The following CELA3A variants were observed in gnomAD, a reference collection of about 807,000 sequenced individuals.
CELA3A encodes the protein chymotrypsin-like elastase family member 3A.
In CELA3A, 35 loss-of-function variants were observed where a neutral mutation model predicts 38.6. The observed-to-expected ratio is 0.91, with a 90% confidence interval of 0.69 to 1.20. The LOEUF (loss-of-function observed/expected upper bound fraction) is 1.20. Among genes scored for constraint, CELA3A ranks in the 50% most tolerant of loss-of-function variants. The pLI, the probability that CELA3A is intolerant of heterozygous loss-of-function variation, is 0.00. For missense variants in CELA3A, 343 were observed against 354.2 expected (o/e 0.97, Z 0.25); for synonymous variants, 143 against 136.7 (o/e 1.05, Z -0.32).
At chr1:22,005,415 C>T (rs1328240518) in intron 2 of CELA3A, 32 bp from the exon 3 acceptor site, 2 of 1,608,306 alleles carry the variant, frequency 1.2e-6, no homozygotes, top group African/African-American at 1.3e-5. Flanking sequence ...TGGGGCCCAG[C>T]CCACTGAGGC....
rs144351297 is a variant in CELA3A at position 22,008,049 on chromosome 1, T to G, written c.642+534T>G. ...CTCGCCTGTAGTCCCAACTACTTGATAGGCTGAGGTGGGAGGATTGTTTGA... is the reference window on the plus strand; with the variant it reads ...CTCGCCTGTAGTCCCAACTACTTGAGAGGCTGAGGTGGGAGGATTGTTTGA... On this transcript the variant is annotated intron_variant, in intron 6 of 7. Coordinates refer to ENST00000290122, the MANE Select transcript of CELA3A (RefSeq NM_005747.5). 2.4e-3 allele frequency among the ~76,000 whole-genome samples: 363 copies of G among 150,504 alleles called. 17 individuals carry two copies. The highest frequency in any genetic ancestry group is 7.8e-3 in the African/African-American group (318 of 40,648).
intron 5 of CELA3A, 48 bp downstream of exon 5, chr1:22,007,062 C>A: frequency 6.2e-7 from 1 of 1,603,646 alleles, no homozygotes; most frequent in Non-Finnish European, 8.5e-7. Flanking sequence ...GGCAGAAAGA[C>A]AGGGCCTGGG....
intron 2 of CELA3A, among the ~76,000 whole-genome samples, chr1:22,004,073 TTG>T (rs1644934681): frequency 1.3e-4 from 8 of 60,828 alleles, no homozygotes; most frequent in East Asian, 4.7e-4. Context: ...TTTCTTTTCT[TTG>T]TTTTTTTTTT....
chr1:22,011,813 G>A (rs563294626), intron 7 of CELA3A, among the ~76,000 whole-genome samples: 5 of 125,444 alleles, frequency 4.0e-5, no homozygotes, highest in African/African-American at 6.6e-5. Context: ...CCACCACTTT[G>A]GGAGGCCGAG....
Position 22,012,107 on chromosome 1 carries a change from G to A in CELA3A, c.796-343G>A, listed in dbSNP as rs1644986427. Among the ~76,000 whole-genome samples, 3 of 123,340 alleles carry A rather than the reference G, an allele frequency of 2.4e-5. 1 individual carries two copies. The highest frequency in any genetic ancestry group is 4.9e-5 in the Non-Finnish European group (3 of 60,666). The allele number at this position is 123,340 out of a possible 152,430, so 80.9% of individuals were successfully genotyped here. A position where few individuals can be genotyped will look rare whatever the true frequency, so the allele number is the denominator to read the frequency against. On this transcript the variant is annotated intron_variant, in intron 7 of 7. Coordinates refer to ENST00000290122, the MANE Select transcript of CELA3A (RefSeq NM_005747.5). ...TGTTTATATATATACACATACATAC[G>A]TATATATATATACACAAACACATAC...
Position 22,006,909 on chromosome 1 carries a change from A to T in CELA3A, c.394A>T (p.Ser132Cys), listed in dbSNP as rs2152819578. 6.2e-7 allele frequency: 1 copy of T among 1,612,160 alleles called. No individual in the cohort carries two copies. The highest frequency in any genetic ancestry group is 8.5e-7 in the Non-Finnish European group (1 of 1,179,392). The change falls in exon 5 of 8, where the codon AGC (serine) becomes TGC (cysteine). Residue 132 changes from serine (S) to cysteine (C), a missense_variant. Transcript: ENST00000290122. ...CATCGCCCTCATCAAGCTCTCACGCAGCGCCCAGCTGGGAGATGCCGTCCA... is the reference window on the plus strand; with the variant it reads ...CATCGCCCTCATCAAGCTCTCACGCTGCGCCCAGCTGGGAGATGCCGTCCA... ...NDIALIKLSR[S>C]AQLGDAVQLA...
intron 6 of CELA3A, among the ~76,000 whole-genome samples, chr1:22,008,134 C>A (rs1197273528): frequency 7.3e-6 from 1 of 137,808 alleles, no homozygotes; most frequent in East Asian, 2.1e-4. Context: ...AGCCTGGCGA[C>A]ACAGCAAGAC....
intron 6 of CELA3A, among the ~76,000 whole-genome samples, chr1:22,007,731 A>C (rs555313115): frequency 6.6e-6 from 1 of 151,296 alleles, no homozygotes; most frequent in East Asian, 1.9e-4. Context: ...CACTGACATG[A>C]CTTGGGACAA....
At chr1:22,011,031 A>G (rs1300373980) in intron 7 of CELA3A, 1 of 151,548 alleles carries the variant, frequency 6.6e-6, no homozygotes, top group Non-Finnish European at 1.5e-5. Context: ...TGATATAGAG[A>G]TTAGCACGGC....
intron 4 of CELA3A, among the ~76,000 whole-genome samples, chr1:22,006,459 G>C (rs560484253): frequency 2.0e-5 from 3 of 151,222 alleles, no homozygotes; most frequent in African/African-American, 7.3e-5. Context: ...CTCGGGAGGC[G>C]GAGGCTGCAG....
chr1:22,005,625 C>A, intron 3 of CELA3A, 37 bp from the exon 4 acceptor site: 1 of 1,612,142 alleles, frequency 6.2e-7, no homozygotes, highest in Non-Finnish European at 8.5e-7. Context: ...GGGAGGTGAG[C>A]CAGTCAGGCC....
At position 22,007,330 on chromosome 1, in the gene CELA3A, G is replaced by C. The variant is rs776720792; in HGVS notation, c.500-43G>C. On this transcript the variant is annotated intron_variant, in intron 5 of 7. Transcript: ENST00000290122. ...CCCCCTTCCTCTGGGGCACCTAGCG[G>C]TGTGCCCCCAGACCCCTGACTCGGT... The C allele has an allele frequency of 3.5e-5, 55 of 1,576,316 alleles. 1 individual carries two copies. The highest frequency in any genetic ancestry group is 1.7e-4 in the Middle Eastern group (1 of 5,890).
chr1:22,006,449 C>T (rs1205782918), intron 4 of CELA3A, among the ~76,000 whole-genome samples: 1 of 151,312 alleles, frequency 6.6e-6, no homozygotes, highest in Non-Finnish European at 1.5e-5. Context: ...ATCACTTGAA[C>T]TCGGGAGGCG....
At chr1:22,003,145 A>G in intron 2 of CELA3A, 57 bp downstream of exon 2, 1 of 1,445,166 alleles carries the variant, frequency 6.9e-7, no homozygotes, top group Admixed American at 1.7e-5. Flanking sequence ...CCTAAGCTCT[A>G]ATGGCGTGGC....
At chr1:22,003,917 C>T (rs1175735398) in intron 2 of CELA3A, among the ~76,000 whole-genome samples, 5 of 150,180 alleles carry the variant, frequency 3.3e-5, no homozygotes, top group African/African-American at 1.2e-4. Flanking sequence ...TTGGCCAGGC[C>T]AGTCTGGAGC....
chr1:22,004,898 G>C (rs1449625138), intron 2 of CELA3A, among the ~76,000 whole-genome samples: 1 of 151,188 alleles, frequency 6.6e-6, no homozygotes, highest in Non-Finnish European at 1.5e-5. Context: ...TGAGGAGCTC[G>C]AGACCAGCCT....
chr1:22,009,648 C>A (rs1644971724), intron 6 of CELA3A, 57 bp from the exon 7 acceptor site: 4 of 1,581,710 alleles, frequency 2.5e-6, no homozygotes, highest in African/African-American at 2.8e-5. Flanking sequence ...GAATTCAGAA[C>A]CAGTTCCGTA....
intron 6 of CELA3A, among the ~76,000 whole-genome samples, chr1:22,008,752 C>T (rs553859237): frequency 2.1e-5 from 3 of 145,578 alleles, no homozygotes; most frequent in Non-Finnish European, 4.5e-5. Context: ...GAGCGAGACG[C>T]TGACTCAGAA....
At chr1:22,002,349 C>T (rs768509851) in intron 1 of CELA3A, among the ~76,000 whole-genome samples, 23 of 150,974 alleles carry the variant, frequency 1.5e-4, no homozygotes, top group Non-Finnish European at 3.2e-4. Context: ...CAGAGCTGCA[C>T]TTAATGTTTT....
Sources: gnomAD v4.1 joint callset for allele counts (sites outside exome capture counted in the v4.1 genomes callset) on GRCh38, gnomAD v4.1.1 for gene constraint, MANE v1.5 for transcripts, NCBI Gene and HGNC (gene_info 2026-07-23, HGNC 2026-07-21) for gene names.